The following TMEM26 variants were observed in gnomAD, a reference collection of about 807,000 sequenced individuals.
TMEM26 encodes transmembrane protein 26.
TMEM26 carries 38 observed loss-of-function variants against 28.8 expected under a neutral mutation model. The ratio of observed to expected loss-of-function variants is 1.32; its 90% CI spans 1.02 to 1.73. The LOEUF (loss-of-function observed/expected upper bound fraction) is 1.73. Ranked by LOEUF, TMEM26 falls within the 40% of genes most tolerant of loss-of-function variation. TMEM26 has a pLI of 0.00. For synonymous variants in TMEM26, 227 were observed against 182.9 expected, an observed-to-expected ratio of 1.24 and a Z score of -1.95; for missense variants, 518 against 447.1, an observed-to-expected ratio of 1.16 and a Z score of -1.43.
rs749628432 is a variant in TMEM26 at position 61,431,245 on chromosome 10, T to C, written c.358A>G (p.Ser120Gly). 2 of 1,613,088 alleles carry C rather than the reference T, an allele frequency of 1.2e-6. No individual in the cohort carries two copies. The highest frequency in any genetic ancestry group is 3.3e-5 in the Admixed American group (2 of 59,986). The change falls in exon 3 of 6, where the codon AGT (serine) becomes GGT (glycine). Residue 120 changes from serine to glycine, a missense_variant. By Grantham distance (56) the Ser-to-Gly change is moderately conservative (BLOSUM62 0). Transcript: ENST00000399298. ...NQTLTSNEQTSRADDLIETAK... is the reference protein window; with the variant it reads ...NQTLTSNEQTGRADDLIETAK... ...GTCTCAATGAGATCATCAGCTCTAC[T>C]GGTTTGTTCATTGGATGTCAATGTT...
chr10:61,441,396 G>A (rs1171436912), intron 1 of TMEM26, among the ~76,000 whole-genome samples: 1 of 152,104 alleles, frequency 6.6e-6, no homozygotes, highest in African/African-American at 2.4e-5. Flanking sequence ...ATTTTAGTGT[G>A]ATATCTTTGC....
At chr10:61,433,207 T>C (rs1839950484) in intron 2 of TMEM26, among the ~76,000 whole-genome samples, 1 of 152,176 alleles carries the variant, frequency 6.6e-6, no homozygotes, top group East Asian at 1.9e-4. Context: ...GTATTAAGAC[T>C]TATCTGAGTT....
chr10:61,428,963 C>T lies in TMEM26; in HGVS notation c.568G>A (p.Glu190Lys), dbSNP rs756068246. ...MFVGTAADIL[E>K]FTSETLEEQN... is the part of the protein sequence containing the mutation. ...TCTTCTAGGGTCTCACTTGTGAATT[C>T]CAGTATGTCAGCCGCTGTCCCCACA... is the stretch of plus-strand genomic sequence containing the variant. The change falls in exon 4 of 6, where the codon GAA becomes AAA. Residue 190 changes from glutamate to lysine, a missense_variant. Glu to Lys is a moderately conservative substitution (Grantham distance 56, BLOSUM62 1). Transcript: ENST00000399298. 1 of 1,613,156 alleles carries T rather than the reference C, an allele frequency of 6.2e-7. No individual in the cohort carries two copies. Among genetic ancestry groups the T allele is most frequent in the South Asian group, 1.1e-5 (1 of 91,072 alleles).
chr10:61,428,503 G>C (rs752951168), intron 4 of TMEM26, among the ~76,000 whole-genome samples: 1 of 152,070 alleles, frequency 6.6e-6, no homozygotes, highest in African/African-American at 2.4e-5. Flanking sequence ...TCTTCTCTCA[G>C]TGCTCTCTTA....
chr10:61,427,732 G>T (rs2204016), intron 4 of TMEM26, among the ~76,000 whole-genome samples: 1 of 151,806 alleles, frequency 6.6e-6, no homozygotes, highest in South Asian at 2.1e-4. Context: ...TTTTGCATGT[G>T]CATGTTTATT....
At chr10:61,420,231 T>G (rs1390300886) in intron 4 of TMEM26, among the ~76,000 whole-genome samples, 4 of 152,178 alleles carry the variant, frequency 2.6e-5, no homozygotes, top group Admixed American at 6.6e-5. Context: ...GTATTTACTA[T>G]TCATTAGTGG....
intron 1 of TMEM26, among the ~76,000 whole-genome samples, chr10:61,436,942 C>T (rs1302475451): frequency 6.6e-6 from 1 of 152,190 alleles, no homozygotes; most frequent in Non-Finnish European, 1.5e-5. Flanking sequence ...TTGCCACTGA[C>T]CTCTCAGTTT....
At chr10:61,433,254 A>C (rs569887760) in intron 2 of TMEM26, among the ~76,000 whole-genome samples, 2 of 152,258 alleles carry the variant, frequency 1.3e-5, no homozygotes, top group South Asian at 4.1e-4. Context: ...TTATAGATTT[A>C]TGAGATTTTC....
At chr10:61,430,665 A>G (rs1370865243) in intron 3 of TMEM26, among the ~76,000 whole-genome samples, 1 of 151,948 alleles carries the variant, frequency 6.6e-6, no homozygotes, top group East Asian at 1.9e-4. Flanking sequence ...TTTCCTATAT[A>G]CTAGCAAAGA....
chr10:61,449,369 A>G (rs1245831561), intron 1 of TMEM26, among the ~76,000 whole-genome samples: 1 of 152,208 alleles, frequency 6.6e-6, no homozygotes, highest in Non-Finnish European at 1.5e-5. Context: ...AACCTCTCCA[A>G]CTGGCGAGTT....
intron 4 of TMEM26, among the ~76,000 whole-genome samples, chr10:61,421,987 T>C (rs74157959): frequency 0.063 from 9,517 of 152,062 alleles, 994 homozygotes; most frequent in African/African-American, 0.22. Context: ...GATATCTCTA[T>C]GCCAACATAA....
In TMEM26 at chr10:61,410,281, A is replaced by G. The variant is rs768307062; in HGVS notation, c.*41T>C. 1.3e-6 allele frequency: 2 copies of G among 1,548,546 alleles called. No individual in the cohort carries two copies. The highest frequency in any genetic ancestry group is 1.4e-5 in the African/African-American group (1 of 72,980). On this transcript the variant is annotated 3_prime_UTR_variant, in exon 6 of 6. Transcript: ENST00000399298. Reference sequence around the variant, plus strand: ...AAGGATCCTCCCTGTAAGAAGAACCAGGGAGTCAGGTTCTAGCCGCAGACC... The same window carrying G: ...AAGGATCCTCCCTGTAAGAAGAACCGGGGAGTCAGGTTCTAGCCGCAGACC...
chr10:61,436,091 T>C (rs1589039072), intron 2 of TMEM26, 79 bp downstream of exon 2: 1 of 894,000 alleles, frequency 1.1e-6, no homozygotes, highest in Non-Finnish European at 1.8e-6. Flanking sequence ...GAAAAGTGCA[T>C]TCCGAAAATA....
At chr10:61,412,030 A>G (rs1839576108) in intron 5 of TMEM26, among the ~76,000 whole-genome samples, 1 of 152,310 alleles carries the variant, frequency 6.6e-6, no homozygotes, top group African/African-American at 2.4e-5. Context: ...ACCACAAGAT[A>G]TGGGAGGGTG....
rs540305311 is a variant in TMEM26, at chr10:61,409,090, T to C, written c.*1232A>G. 3 of 152,286 alleles carry C rather than the reference T, an allele frequency of 2.0e-5. No homozygotes were observed. Among genetic ancestry groups the C allele is most frequent in the Admixed American group, 6.5e-5 (1 of 15,292 alleles). The allele number at this position is 152,286 out of a possible 1,614,324, so 9.4% of individuals were successfully genotyped here. On this transcript the variant is annotated 3_prime_UTR_variant, in exon 6 of 6. Transcript: ENST00000399298. ...ACTGTTTGCCTCGTGTAATTACTGC[T>C]ACACACCCGAGCAAATTTTCACACT...
intron 4 of TMEM26, chr10:61,413,927 G>C (rs549224039): frequency 1.1e-4 from 105 of 987,562 alleles, no homozygotes; most frequent in Non-Finnish European, 1.3e-4. Context: ...TAAGAAACCA[G>C]GGATCGAATT....
rs1839556957 is a variant in TMEM26 at position 61,410,760 on chromosome 10, A to C, written c.683-14T>G. The C allele has an allele frequency of 6.2e-7, 1 of 1,611,036 alleles. No homozygotes were observed. The highest frequency in any genetic ancestry group is 8.5e-7 in the Non-Finnish European group (1 of 1,178,094). ...CAACGTTCTGTACTGAAAACACAAGACAGACTAGTTACTATCTCTCTTGGA... is the reference window on the plus strand; with the variant it reads ...CAACGTTCTGTACTGAAAACACAAGCCAGACTAGTTACTATCTCTCTTGGA... On this transcript the variant is annotated splice_polypyrimidine_tract_variant and intron_variant, in intron 5 of 5. Transcript: ENST00000399298.
Position 61,452,909 on chromosome 10 carries a change from C to A in TMEM26, c.173G>T (p.Arg58Leu), listed in dbSNP as rs780006208. Reference sequence around the variant, plus strand: ...CTCTCACCATTTGTAGCCTCTGCCGCGCTTGAACTTGAGGGTGAGCGCAGT... The same window carrying A: ...CTCTCACCATTTGTAGCCTCTGCCGAGCTTGAACTTGAGGGTGAGCGCAGT... ...LETALTLKFK[R>L]GRGYKWFSPA... is the part of the protein sequence containing the mutation. Residue 58 changes from arginine (R) to leucine (L), a missense_variant, in exon 1 of 6, where the codon CGC becomes CTC. Transcript: ENST00000399298. The A allele has an allele frequency of 2.5e-6, 4 of 1,613,596 alleles. No individual in the cohort carries two copies. Among genetic ancestry groups the A allele is most frequent in the Non-Finnish European group, 2.5e-6 (3 of 1,179,554 alleles).
chr10:61,431,432 T>C lies in TMEM26; in HGVS notation c.271-100A>G, dbSNP rs556368718. ...CTGTTCAAGAGATTATGAGCAGATA[T>C]GCAGAGTTTATACAGCATATATATA... On this transcript the variant is annotated intron_variant, in intron 2 of 5. Coordinates refer to ENST00000399298, the MANE Select transcript of TMEM26 (RefSeq NM_178505.8). The C allele has an allele frequency of 2.4e-5, 20 of 847,728 alleles. No individual in the cohort carries two copies. In the African/African-American group the frequency reaches 2.4e-4, roughly 10 times the overall value. The allele number at this position is 847,728 out of a possible 1,614,324, so 52.5% of individuals were successfully genotyped here.
Sources: gnomAD v4.1 joint callset for allele counts (sites outside exome capture counted in the v4.1 genomes callset) on GRCh38, gnomAD v4.1.1 for gene constraint, MANE v1.5 for transcripts, NCBI Gene and HGNC (gene_info 2026-07-23, HGNC 2026-07-21) for gene names.